ME3: variants seen among roughly 807,000 people sequenced by gnomAD.
ME3 encodes NADP-dependent malic enzyme, mitochondrial.
Under a neutral mutation model 68.9 loss-of-function variants are expected in ME3, and 48 were observed. The observed-to-expected ratio is 0.70, with a 90% CI of 0.55 to 0.89. The LOEUF is 0.89. Ranked by LOEUF, ME3 falls within the 40% of genes least tolerant of loss-of-function variation. ME3 has a pLI of 0.00. For synonymous variants in ME3, 320 were observed against 318.8 expected (o/e 1.00, Z -0.04); for missense variants, 675 against 797.4 (o/e 0.85, Z 1.85).
chr11:86,532,670 A>G (rs1955344955), intron 4 of ME3, among the ~76,000 whole-genome samples: 1 of 152,258 alleles, frequency 6.6e-6, no homozygotes, highest in African/African-American at 2.4e-5. Context: ...ATATCTTGAG[A>G]TAAATGAAAC....
chr11:86,617,679 C>A (rs189552800), intron 2 of ME3, among the ~76,000 whole-genome samples: 16 of 152,118 alleles, frequency 1.1e-4, no homozygotes, highest in African/African-American at 3.6e-4. Flanking sequence ...TGGCCTCTAC[C>A]CAAAGGCAAA....
chr11:86,475,902 A>AGAG (rs1565830505), intron 7 of ME3, among the ~76,000 whole-genome samples: 81 of 93,270 alleles, frequency 8.7e-4, no homozygotes, highest in African/African-American at 3.1e-3. Context: ...GAGAGAGAGA[A>AGAG]AGAGAAAGAG....
intron 2 of ME3, among the ~76,000 whole-genome samples, chr11:86,591,749 G>A (rs1485689052): frequency 1.3e-5 from 2 of 152,150 alleles, no homozygotes; most frequent in Admixed American, 6.5e-5. Flanking sequence ...GGCAAACAGA[G>A]TTTCTGTGGG....
chr11:86,612,276 T>A (rs938396900), intron 2 of ME3, among the ~76,000 whole-genome samples: 3 of 152,254 alleles, frequency 2.0e-5, no homozygotes, highest in Admixed American at 6.5e-5. Context: ...TATTCCATAG[T>A]GTGTATGTAC....
At chr11:86,499,128 G>A (rs930182860) in intron 5 of ME3, among the ~76,000 whole-genome samples, 3 of 152,140 alleles carry the variant, frequency 2.0e-5, no homozygotes, top group Non-Finnish European at 2.9e-5. Flanking sequence ...TGGAGATTGT[G>A]GGGTATGGGT....
intron 7 of ME3, among the ~76,000 whole-genome samples, chr11:86,478,687 T>C (rs1951222565): frequency 6.6e-6 from 1 of 152,246 alleles, no homozygotes; most frequent in African/African-American, 2.4e-5. Context: ...AATAATTCTT[T>C]AATAAAATAT....
chr11:86,464,095 AG>A (rs754156092), intron 8 of ME3: 2 of 451,282 alleles, frequency 4.4e-6, no homozygotes, highest in African/African-American at 2.0e-5. Flanking sequence ...CTTGAAGAAA[AG>A]TTGTGACCTC....
chr11:86,522,476 G>C (rs1319246891), intron 4 of ME3, among the ~76,000 whole-genome samples: 1 of 151,308 alleles, frequency 6.6e-6, no homozygotes, highest in Non-Finnish European at 1.5e-5. Flanking sequence ...TAGGTTTTAA[G>C]CCCCACATGC....
chr11:86,486,855 A>C (rs1248840619), intron 7 of ME3, among the ~76,000 whole-genome samples: 1 of 152,224 alleles, frequency 6.6e-6, no homozygotes, highest in Non-Finnish European at 1.5e-5. Context: ...GACACCTCAT[A>C]AATCTTGCAG....
At chr11:86,631,240 AG>A (rs1943994882) in intron 2 of ME3, among the ~76,000 whole-genome samples, 1 of 152,258 alleles carries the variant, frequency 6.6e-6, no homozygotes, top group Admixed American at 6.5e-5. Context: ...GACTGAACAC[AG>A]GGATTTCCAA....
At chr11:86,579,978 C>T (rs1421094441) in intron 2 of ME3, among the ~76,000 whole-genome samples, 1 of 152,164 alleles carries the variant, frequency 6.6e-6, no homozygotes, top group East Asian at 1.9e-4. Flanking sequence ...CTTTCCAGTG[C>T]TTAGCTGATA....
intron 13 of ME3, 122 bp from the exon 14 acceptor site, chr11:86,443,041 C>G: frequency 1.5e-6 from 1 of 648,726 alleles, no homozygotes; most frequent in East Asian, 2.8e-5. Context: ...GCAGTTCCAA[C>G]TGTTGACTCT....
At chr11:86,489,718 C>G (rs992555393) in intron 6 of ME3, among the ~76,000 whole-genome samples, 11 of 152,118 alleles carry the variant, frequency 7.2e-5, no homozygotes, top group Non-Finnish European at 1.6e-4. Context: ...CCTGGGCTCT[C>G]TTACTCAGTC....
intron 2 of ME3, among the ~76,000 whole-genome samples, chr11:86,627,355 C>T (rs116695496): frequency 1.3e-5 from 2 of 152,098 alleles, no homozygotes; most frequent in Admixed American, 6.5e-5. Context: ...CTTTCTGTAC[C>T]ATGGGTATAA....
At chr11:86,435,357 G>C in the ME3 span, 1 of 152,208 alleles carries the variant, frequency 6.6e-6, no homozygotes, top group East Asian at 1.9e-4. Flanking sequence ...CATATTTAAA[G>C]ATATGTGAGA....
intron 2 of ME3, among the ~76,000 whole-genome samples, chr11:86,595,578 C>G (rs1426925511): frequency 6.6e-6 from 1 of 152,064 alleles, no homozygotes; most frequent in African/African-American, 2.4e-5. Flanking sequence ...TTTGAAAGGT[C>G]AGGTAAGAAG....
At chr11:86,547,239 CAAAAAAAAAAA>C (rs1169843852) in intron 4 of ME3, among the ~76,000 whole-genome samples, 1 of 46,004 alleles carries the variant, frequency 2.2e-5, no homozygotes, top group Non-Finnish European at 4.5e-5. Context: ...GACTCCATCT[CAAAAAAAAAAA>C]AAAAAAAAAA....
At chr11:86,657,820 C>G (rs976207240) in intron 2 of ME3, among the ~76,000 whole-genome samples, 9 of 152,182 alleles carry the variant, frequency 5.9e-5, no homozygotes, top group Admixed American at 1.3e-4. Context: ...TAAGAAGAAT[C>G]ATAGCTGGCA....
At chr11:86,501,071 G>C (rs896437543) in intron 5 of ME3, among the ~76,000 whole-genome samples, 6 of 151,922 alleles carry the variant, frequency 3.9e-5, no homozygotes, top group Admixed American at 6.6e-5. Flanking sequence ...AGGTGCTTTG[G>C]AGTCTGATAA....
Sources: allele counts gnomAD v4.1 joint callset (sites outside exome capture counted in the v4.1 genomes callset), GRCh38; gene constraint gnomAD v4.1.1; transcripts MANE v1.5; gene names NCBI Gene and HGNC (gene_info 2026-07-23, HGNC 2026-07-21).